The following NRXN1 variants were observed in gnomAD, a reference collection of about 807,000 sequenced individuals.
NRXN1 encodes neurexin 1, also known as neurexin-1.
In NRXN1, 39 loss-of-function variants were observed where a neutral mutation model predicts 150.9. The observed-to-expected ratio is 0.26, with a 90% CI of 0.20 to 0.34. NRXN1 has a LOEUF of 0.34. Ranked by LOEUF, NRXN1 falls within the 10% of genes least tolerant of loss-of-function variation. The pLI is 1.00. For synonymous variants in NRXN1, 924 were observed against 757.0 expected, an observed-to-expected ratio of 1.22 and a Z score of -3.62; for missense variants, 1,815 against 1,949.9, an observed-to-expected ratio of 0.93 and a Z score of 1.30.
At chr2:51,013,454 GT>G (rs34968933) in intron 2 of NRXN1, among the ~76,000 whole-genome samples, 7,659 of 142,288 alleles carry the variant, frequency 0.054, 219 homozygotes, top group Admixed American at 0.089. Flanking sequence ...AAATAGAGTT[GT>G]TTTTTTTTTT....
At chr2:50,763,039 A>G (rs1701986475) in intron 5 of NRXN1, among the ~76,000 whole-genome samples, 1 of 151,588 alleles carries the variant, frequency 6.6e-6, no homozygotes, top group East Asian at 2.0e-4. Context: ...TTCACGTATC[A>G]CCTCCTCCTC....
intron 17 of NRXN1, among the ~76,000 whole-genome samples, chr2:50,267,259 T>G (rs1484069280): frequency 1.3e-5 from 2 of 152,222 alleles, no homozygotes; most frequent in African/African-American, 4.8e-5. Flanking sequence ...GGTGAATGAA[T>G]TTCCTTGTCA....
intron 5 of NRXN1, among the ~76,000 whole-genome samples, chr2:50,714,519 C>G (rs1185583832): frequency 1.3e-5 from 2 of 152,026 alleles, no homozygotes; most frequent in Admixed American, 6.6e-5. Flanking sequence ...AATCATTACC[C>G]AAGGTAAGTG....
At chr2:50,606,111 A>C (rs1328839498) in intron 8 of NRXN1, among the ~76,000 whole-genome samples, 3 of 151,974 alleles carry the variant, frequency 2.0e-5, no homozygotes, top group East Asian at 1.9e-4. Context: ...TTAGCCAGGC[A>C]TGGTGGCATA....
At chr2:50,142,534 C>T (rs375245005) in intron 18 of NRXN1, among the ~76,000 whole-genome samples, 14 of 151,532 alleles carry the variant, frequency 9.2e-5, no homozygotes, top group African/African-American at 2.4e-4. Flanking sequence ...CTGACTTGAT[C>T]GTTACACATT....
intron 17 of NRXN1, among the ~76,000 whole-genome samples, chr2:50,371,968 A>G (rs1309665808): frequency 6.6e-6 from 1 of 152,048 alleles, no homozygotes; most frequent in African/African-American, 2.4e-5. Flanking sequence ...AGGTATTCAT[A>G]TAGCTGAATC....
intron 21 of NRXN1, among the ~76,000 whole-genome samples, chr2:49,965,349 C>CT: frequency 6.6e-6 from 1 of 152,144 alleles, no homozygotes; most frequent in South Asian, 2.1e-4. Context: ...TCACTGCAAC[C>CT]TCCGCCTCCC....
chr2:50,088,515 C>T (rs1322920642), intron 19 of NRXN1, among the ~76,000 whole-genome samples: 1 of 152,094 alleles, frequency 6.6e-6, no homozygotes, highest in African/African-American at 2.4e-5. Flanking sequence ...TTTGCCCACT[C>T]TTGGTTTATT....
chr2:50,270,671 T>C (rs897715935), intron 17 of NRXN1, among the ~76,000 whole-genome samples: 2 of 116,126 alleles, frequency 1.7e-5, no homozygotes, highest in South Asian at 2.7e-4. Context: ...CATATAGATA[T>C]AGTTTTTTTT....
Position 49,987,659 on chromosome 2 carries a change from T to C in NRXN1, c.4129-43868A>G, listed in dbSNP as rs1681157625. Among the ~76,000 whole-genome samples, 2 of 152,052 alleles carry C rather than the reference T, an allele frequency of 1.3e-5. 1 individual carries two copies. Among genetic ancestry groups the C allele is most frequent in the East Asian group, 3.9e-4 (2 of 5,182 alleles). ...ACCTTTAAAATATGTGATATAGTAGTATTTTTATAGTTTGTCAAATTTTGA... is the reference window on the plus strand; with the variant it reads ...ACCTTTAAAATATGTGATATAGTAGCATTTTTATAGTTTGTCAAATTTTGA... On this transcript the variant is annotated intron_variant, in intron 21 of 22. Coordinates refer to ENST00000401669, the MANE Select transcript of NRXN1 (RefSeq NM_001330078.2).
chr2:50,582,626 T>C (rs1033371693), intron 8 of NRXN1, among the ~76,000 whole-genome samples: 2 of 151,232 alleles, frequency 1.3e-5, no homozygotes, highest in Admixed American at 1.3e-4. Flanking sequence ...ATAGGCTACG[T>C]AGCATCTCTG....
At chr2:50,633,790 C>A (rs1682781311) in intron 5 of NRXN1, among the ~76,000 whole-genome samples, 1 of 152,054 alleles carries the variant, frequency 6.6e-6, no homozygotes, top group African/African-American at 2.4e-5. Context: ...AGGGTCTCCA[C>A]TCTCATCAAA....
intron 8 of NRXN1, among the ~76,000 whole-genome samples, chr2:50,561,200 T>C (rs138082844): frequency 6.2e-4 from 95 of 152,334 alleles, no homozygotes; most frequent in African/African-American, 2.1e-3. Context: ...AAGTTATTCA[T>C]GGGAGTTGAA....
At chr2:50,791,728 G>A (rs1029664162) in intron 5 of NRXN1, among the ~76,000 whole-genome samples, 2 of 152,074 alleles carry the variant, frequency 1.3e-5, no homozygotes, top group Non-Finnish European at 2.9e-5. Flanking sequence ...TAATTTAAAC[G>A]TTATTTTAAA....
At chr2:50,867,138 T>C (rs1032408572) in intron 5 of NRXN1, among the ~76,000 whole-genome samples, 1 of 151,906 alleles carries the variant, frequency 6.6e-6, no homozygotes, top group Non-Finnish European at 1.5e-5. Flanking sequence ...CTTTTTACTT[T>C]TGTTTTTTCA....
At chr2:50,895,870 G>A (rs549376857) in intron 5 of NRXN1, among the ~76,000 whole-genome samples, 8 of 152,120 alleles carry the variant, frequency 5.3e-5, no homozygotes, top group East Asian at 3.9e-4. Flanking sequence ...ATGAGACACC[G>A]TGCCTGGCCT....
chr2:50,372,251 A>G (rs918902380), intron 17 of NRXN1, among the ~76,000 whole-genome samples: 5 of 152,060 alleles, frequency 3.3e-5, no homozygotes, highest in African/African-American at 1.2e-4. Context: ...TCTACTTGTG[A>G]TCTGACTTGT....
chr2:50,231,048 G>A (rs189595307), intron 18 of NRXN1, among the ~76,000 whole-genome samples: 372 of 151,880 alleles, frequency 2.4e-3, no homozygotes, highest in Admixed American at 3.8e-3. Context: ...CTCGTGATAC[G>A]GCAATAGAAA....
In NRXN1 at chr2:50,130,438, A is replaced by G. The variant is rs543361935; in HGVS notation, c.3547-38944T>C. Among the ~76,000 whole-genome samples the G allele has an allele frequency of 6.6e-5, 10 of 152,252 alleles. No individual in the cohort carries two copies. In the South Asian group the frequency reaches 2.1e-3, roughly 32 times the overall value. ...CCCCATCTCCATGGCTGCTTCCCAG[A>G]GCTCAGAGAACCAATCCACCTCCTC... On this transcript the variant is annotated intron_variant, in intron 18 of 22. Coordinates refer to ENST00000401669, the MANE Select transcript of NRXN1 (RefSeq NM_001330078.2).
Sources: gnomAD v4.1 joint callset for allele counts (sites outside exome capture counted in the v4.1 genomes callset) on GRCh38, gnomAD v4.1.1 for gene constraint, MANE v1.5 for transcripts, NCBI Gene and HGNC (gene_info 2026-07-23, HGNC 2026-07-21) for gene names.